CLMN: variants seen among roughly 807,000 people sequenced by gnomAD.
CLMN encodes calmin (calponin-like, transmembrane).
A neutral mutation model predicts 92.7 loss-of-function variants in CLMN; 57 were observed. The ratio of observed to expected loss-of-function variants is 0.61; its 90% CI spans 0.50 to 0.77. The LOEUF (loss-of-function observed/expected upper bound fraction) is 0.77. Among genes scored for constraint, CLMN ranks in the 30% least tolerant of loss-of-function variants. CLMN has a pLI of 0.00. For missense variants in CLMN, 1,158 were observed against 1,237.5 expected (o/e 0.94, Z 0.96); for synonymous variants, 466 against 470.6 (o/e 0.99, Z 0.13).
chr14:95,312,952 T>A (rs1447481392), intron 1 of CLMN, among the ~76,000 whole-genome samples: 1 of 152,160 alleles, frequency 6.6e-6, no homozygotes, highest in Non-Finnish European at 1.5e-5. Context: ...ACACCTGTAA[T>A]CCCAGTACTT....
rs1303293420 is a variant in CLMN at position 95,203,964 on chromosome 14, T to A, written c.1385A>T (p.His462Leu). The A allele has an allele frequency of 1.2e-6, 2 of 1,614,178 alleles. No individual in the cohort carries two copies. The highest frequency in any genetic ancestry group is 1.7e-6 in the Non-Finnish European group (2 of 1,180,016). Residue 462 changes from histidine (H) to leucine (L), a missense_variant, in exon 9 of 13, where the codon CAT becomes CTT. Physicochemically the swap from His to Leu is moderately conservative, Grantham distance 99. Coordinates refer to ENST00000298912, the MANE Select transcript of CLMN (RefSeq NM_024734.4). ...CTCAGCAACCTCAACTGCCAAGACATGTCCATCCTGCCTCAATGATTCCTT... is the reference window on the plus strand; with the variant it reads ...CTCAGCAACCTCAACTGCCAAGACAAGTCCATCCTGCCTCAATGATTCCTT... ...VAKESLRQDG[H>L]VLAVEVAEEK...
At chr14:95,278,027 C>T (rs762090029) in intron 1 of CLMN, among the ~76,000 whole-genome samples, 1 of 152,206 alleles carries the variant, frequency 6.6e-6, no homozygotes, top group Admixed American at 6.5e-5. Context: ...TTTACTGATT[C>T]TTTCCCTCTC....
chr14:95,245,213 TA>T (rs1178818007), intron 1 of CLMN, among the ~76,000 whole-genome samples: 14 of 31,750 alleles, frequency 4.4e-4, no homozygotes, highest in African/African-American at 2.2e-3. Context: ...ATATATTATA[TA>T]TATATATATA....
intron 1 of CLMN, among the ~76,000 whole-genome samples, chr14:95,255,279 C>A (rs1011464135): frequency 6.6e-6 from 1 of 152,204 alleles, no homozygotes; most frequent in Non-Finnish European, 1.5e-5. Context: ...TAGTTCCCCC[C>A]ATCTGCAGTT....
chr14:95,193,533 A>G (rs1387194985), intron 12 of CLMN: 2 of 712,080 alleles, frequency 2.8e-6, no homozygotes, highest in South Asian at 1.8e-5. Context: ...TAACTACCCT[A>G]TACCACTAAA....
At chr14:95,242,126 G>A (rs1215354962) in intron 1 of CLMN, among the ~76,000 whole-genome samples, 1 of 150,646 alleles carries the variant, frequency 6.6e-6, no homozygotes, top group African/African-American at 2.5e-5. Flanking sequence ...AGTCCTGGGT[G>A]CACATGATGG....
At chr14:95,230,553 G>A (rs917819696) in intron 1 of CLMN, among the ~76,000 whole-genome samples, 1 of 152,174 alleles carries the variant, frequency 6.6e-6, no homozygotes, top group Non-Finnish European at 1.5e-5. Flanking sequence ...GAGTGGAGCC[G>A]ATAATTAGGA....
At chr14:95,265,300 G>A (rs1054653808) in intron 1 of CLMN, among the ~76,000 whole-genome samples, 7 of 151,802 alleles carry the variant, frequency 4.6e-5, no homozygotes, top group African/African-American at 7.3e-5. Context: ...ATCAAATGTG[G>A]GTGGGCTCCA....
chr14:95,304,373 TCA>T (rs1275031810), intron 1 of CLMN, among the ~76,000 whole-genome samples: 1 of 151,206 alleles, frequency 6.6e-6, no homozygotes, highest in East Asian at 1.9e-4. Context: ...ATCTGCATCC[TCA>T]GTGACAGCAA....
chr14:95,265,754 C>T (rs185739731), intron 1 of CLMN, among the ~76,000 whole-genome samples: 4 of 152,320 alleles, frequency 2.6e-5, no homozygotes, highest in Admixed American at 6.5e-5. Context: ...CCCTGTTGAA[C>T]GTTTACCTTC....
intron 1 of CLMN, among the ~76,000 whole-genome samples, chr14:95,303,508 C>T (rs902939316): frequency 3.9e-5 from 6 of 152,228 alleles, no homozygotes; most frequent in African/African-American, 1.4e-4. Context: ...TCTGCCTCTG[C>T]AGCTGCACCC....
In CLMN at chr14:95,194,516, G is replaced by A. The variant is rs1440100927; in HGVS notation, c.2769+20C>T. ...GATTAGCAGGGGCCGTGCGGAAAGAGAAGAAATTCACATACTAACCGATTC... is the reference window on the plus strand; with the variant it reads ...GATTAGCAGGGGCCGTGCGGAAAGAAAAGAAATTCACATACTAACCGATTC... On this transcript the variant is annotated intron_variant, in intron 11 of 12. Transcript: ENST00000298912. This position sits in a 1 kb window ranked among gnomAD's most constrained non-coding sequence, Gnocchi z 4.0. The A allele has an allele frequency of 6.2e-7, 1 of 1,614,070 alleles. No homozygotes were observed. The highest frequency in any genetic ancestry group is 1.3e-5 in the African/African-American group (1 of 74,926).
chr14:95,277,999 T>C (rs527722389), intron 1 of CLMN, among the ~76,000 whole-genome samples: 1 of 152,334 alleles, frequency 6.6e-6, no homozygotes, highest in Admixed American at 6.5e-5. Context: ...TGGTTTGATA[T>C]TTGCGTGACC....
chr14:95,274,708 C>T (rs925596751), intron 1 of CLMN, among the ~76,000 whole-genome samples: 25 of 152,300 alleles, frequency 1.6e-4, no homozygotes, highest in African/African-American at 4.8e-4. Context: ...CAGCCGGGCG[C>T]GGTGGCTCAC....
chr14:95,284,952 G>A lies in CLMN; in HGVS notation c.82+34759C>T, dbSNP rs533773367. On this transcript the variant is annotated intron_variant, in intron 1 of 12. Transcript: ENST00000298912. ...ATGGGTGGAATGATATGGTTTGGCT[G>A]TGTCCCCACCCAAATCTCTACTTGA... is the stretch of plus-strand genomic sequence containing the variant. Among the ~76,000 whole-genome samples the A allele has an allele frequency of 7.3e-4, 111 of 152,232 alleles. 2 individuals are homozygous for A. The South Asian group carries it at 0.013, about 18-fold the overall frequency.
At chr14:95,264,405 C>T (rs1304548695) in intron 1 of CLMN, among the ~76,000 whole-genome samples, 1 of 152,136 alleles carries the variant, frequency 6.6e-6, no homozygotes, top group Non-Finnish European at 1.5e-5. Context: ...ATTCGAGGCC[C>T]CACTTAGCAG....
chr14:95,215,756 C>A lies in CLMN; in HGVS notation c.325-23G>T, dbSNP rs370170734. On this transcript the variant is annotated intron_variant, in intron 4 of 12. Transcript: ENST00000298912. ...TACCTGGAGGGAAGCAATTTATGAA[C>A]TTAAAGCGAGGTGTCCAGGGAGGAT... 22 of 1,582,624 alleles carry A rather than the reference C, an allele frequency of 1.4e-5. No homozygotes were observed. In the Admixed American group the frequency reaches 3.3e-4, roughly 24 times the overall value.
rs774546795 is a variant in CLMN at position 95,319,799 on chromosome 14, CG to C, written c.-8del. On this transcript the variant is annotated 5_prime_UTR_variant, in exon 1 of 13. Coordinates refer to ENST00000298912, the MANE Select transcript of CLMN (RefSeq NM_024734.4). ...CCCACTCGTGTGCAGCCATGAAGCG[CG>C]GGCGGGAGAGCCCGGGCCAGCGCGG... 1.7e-4 allele frequency: 261 copies of C among 1,519,576 alleles called. 1 individual carries two copies. Among genetic ancestry groups the C allele is most frequent in the Non-Finnish European group, 2.2e-4 (246 of 1,136,704 alleles). The allele number at this position is 1,519,576 out of a possible 1,614,324, so 94.1% of individuals were successfully genotyped here.
chr14:95,242,851 G>T (rs182300839), intron 1 of CLMN, among the ~76,000 whole-genome samples: 2 of 152,196 alleles, frequency 1.3e-5, no homozygotes, highest in Non-Finnish European at 2.9e-5. Context: ...ACAGGCATGA[G>T]CCACCACGCC....
Sources: allele counts gnomAD v4.1 joint callset (sites outside exome capture counted in the v4.1 genomes callset), GRCh38; gene constraint gnomAD v4.1.1; non-coding constraint Gnocchi (gnomAD v3.1); transcripts MANE v1.5; gene names NCBI Gene and HGNC (gene_info 2026-07-23, HGNC 2026-07-21).